TBC1D7: variants seen among roughly 807,000 people sequenced by gnomAD.
The protein encoded by TBC1D7 is TBC domain family 7.
In TBC1D7, 33 loss-of-function variants were observed where a neutral mutation model predicts 35.3. The observed-to-expected ratio is 0.93, with a 90% CI of 0.71 to 1.25. The LOEUF is 1.25. Ranked by LOEUF, TBC1D7 falls within the 50% of genes most tolerant of loss-of-function variation. The probability of loss-of-function intolerance (pLI) is 0.00; values close to 1 mark genes in which losing one functional copy is unlikely to be tolerated. For synonymous variants in TBC1D7, 135 were observed against 129.5 expected (o/e 1.04, Z -0.29); for missense variants, 362 against 365.3 (o/e 0.99, Z 0.07).
chr6:13,309,416 T>C (rs1783039574), intron 5 of TBC1D7, among the ~76,000 whole-genome samples: 1 of 152,224 alleles, frequency 6.6e-6, no homozygotes. Context: ...ACCTAGCACA[T>C]CACTTGGCAT....
intron 3 of TBC1D7, among the ~76,000 whole-genome samples, chr6:13,322,361 G>C (rs1187850155): frequency 3.9e-5 from 6 of 152,114 alleles, no homozygotes; most frequent in Admixed American, 3.3e-4. Flanking sequence ...CAAAGTTCCT[G>C]GGTTTAAATT....
chr6:13,311,228 T>A (rs547094579), intron 5 of TBC1D7, among the ~76,000 whole-genome samples: 1 of 152,328 alleles, frequency 6.6e-6, no homozygotes, highest in East Asian at 1.9e-4. Flanking sequence ...ATTAACACAA[T>A]TAAGTTTGAG....
At chr6:13,306,695 T>C (rs1782830642) in intron 6 of TBC1D7, 168 bp from the exon 7 acceptor site, 1 of 480,814 alleles carries the variant, frequency 2.1e-6, no homozygotes, top group African/African-American at 2.0e-5. Context: ...ACAGAAGCCA[T>C]TTGAAATCTA....
intron 3 of TBC1D7, among the ~76,000 whole-genome samples, chr6:13,324,417 C>T (rs778421194): frequency 6.6e-6 from 1 of 152,044 alleles, no homozygotes; most frequent in African/African-American, 2.4e-5. Context: ...TGTGAGCCAC[C>T]GCGCCCAGCC....
At chr6:13,323,069 T>A (rs565024087) in intron 3 of TBC1D7, among the ~76,000 whole-genome samples, 12 of 152,214 alleles carry the variant, frequency 7.9e-5, no homozygotes, top group African/African-American at 2.6e-4. Flanking sequence ...TAAAGAAAGG[T>A]GGGCCGAGCG....
chr6:13,318,314 A>G (rs1006255877), intron 4 of TBC1D7: 2 of 152,268 alleles, frequency 1.3e-5, no homozygotes, highest in Non-Finnish European at 2.9e-5. Context: ...GTGGGATGGC[A>G]GAGTCCAAAA....
chr6:13,306,231 AT>A (rs1244559145), intron 7 of TBC1D7, 166 bp downstream of exon 7: 2 of 517,692 alleles, frequency 3.9e-6, no homozygotes, highest in Admixed American at 9.0e-5. Context: ...CTCTTAAATA[AT>A]TTCCCTAAAA....
chr6:13,316,445 C>A, intron 5 of TBC1D7, 126 bp downstream of exon 5: 1 of 1,028,110 alleles, frequency 9.7e-7, no homozygotes, highest in South Asian at 1.7e-5. Context: ...ACAGAAAACG[C>A]TTGCTGAGTT....
Position 13,316,437 on chromosome 6 carries a change from A to G in TBC1D7, c.519+134T>C, listed in dbSNP as rs1189251872. 5.2e-6 allele frequency: 5 copies of G among 962,558 alleles called. No homozygotes were observed. In the Admixed American group the frequency reaches 9.4e-5, roughly 18 times the overall value. 59.6% of individuals were successfully genotyped at this position (962,558 alleles called of 1,614,324 possible). ...ATATTTAGATTATATGGACTTTTACAGAAAACGCTTGCTGAGTTCTACTAT... is the reference window on the plus strand; with the variant it reads ...ATATTTAGATTATATGGACTTTTACGGAAAACGCTTGCTGAGTTCTACTAT... On this transcript the variant is annotated intron_variant, in intron 5 of 7. Transcript: ENST00000379300.
chr6:13,307,417 T>G (rs1055374156), intron 6 of TBC1D7, 183 bp downstream of exon 6: 9 of 620,532 alleles, frequency 1.5e-5, no homozygotes, highest in Non-Finnish European at 1.9e-5. Context: ...GGCCCTTAAT[T>G]TTTCTAATTG....
At chr6:13,314,905 G>C (rs555387850) in intron 5 of TBC1D7, among the ~76,000 whole-genome samples, 1 of 152,240 alleles carries the variant, frequency 6.6e-6, no homozygotes, top group Non-Finnish European at 1.5e-5. Flanking sequence ...TAGAAAAAAA[G>C]AAAGTGGCAA....
intron 5 of TBC1D7, 23 bp downstream of exon 5, chr6:13,316,548 C>CAA (rs72202814): frequency 2.0e-4 from 301 of 1,497,450 alleles, no homozygotes; most frequent in Middle Eastern, 1.8e-4. Flanking sequence ...CTCCAATAGC[C>CAA]AAAAAAAAAA....
At chr6:13,317,634 G>C (rs1036649194) in intron 4 of TBC1D7, among the ~76,000 whole-genome samples, 1 of 152,196 alleles carries the variant, frequency 6.6e-6, no homozygotes, top group Non-Finnish European at 1.5e-5. Flanking sequence ...ATGTGTCAAA[G>C]GAGAATGGAA....
At chr6:13,318,237 G>A (rs2439550) in intron 4 of TBC1D7, 6 of 151,980 alleles carry the variant, frequency 3.9e-5, no homozygotes, top group African/African-American at 1.2e-4. Flanking sequence ...TAAATTATCC[G>A]ATTTCAGGTA....
intron 3 of TBC1D7, chr6:13,323,609 C>G (rs552543243): frequency 6.6e-6 from 1 of 152,216 alleles, no homozygotes; most frequent in African/African-American, 2.4e-5. Context: ...AAATAGTTGT[C>G]ACCGCTTCTC....
At chr6:13,314,314 T>C (rs987648961) in intron 5 of TBC1D7, among the ~76,000 whole-genome samples, 3 of 151,674 alleles carry the variant, frequency 2.0e-5, no homozygotes, top group Non-Finnish European at 4.4e-5. Flanking sequence ...GAAGGAGAAG[T>C]AGGGAATTGC....
intron 4 of TBC1D7, among the ~76,000 whole-genome samples, chr6:13,317,613 A>G (rs58948367): frequency 0.058 from 8,816 of 152,308 alleles, 840 homozygotes; most frequent in African/African-American, 0.2. Context: ...TTTTCTCAAA[A>G]CATTTTATTA....
At chr6:13,309,128 A>G (rs569123608) in intron 5 of TBC1D7, among the ~76,000 whole-genome samples, 2 of 152,362 alleles carry the variant, frequency 1.3e-5, no homozygotes, top group African/African-American at 4.8e-5. Flanking sequence ...GAATTTCTCA[A>G]TAACACTGCA....
Position 13,326,903 on chromosome 6 carries a change from C to A in TBC1D7, c.-5G>T. ...TCTCTGAGAGTCCTCAGTCATATTT[C>A]ATTCTTGGAGGAGACACAGAAAGAC... On this transcript the variant is annotated 5_prime_UTR_variant, in exon 2 of 8. An upstream start codon of the reference 5' UTR is lost. Coordinates refer to ENST00000379300, the MANE Select transcript of TBC1D7 (RefSeq NM_016495.6). The A allele has an allele frequency of 6.4e-7, 1 of 1,574,702 alleles. No individual in the cohort carries two copies. Among genetic ancestry groups the A allele is most frequent in the East Asian group, 2.3e-5 (1 of 44,088 alleles).
Sources: allele counts gnomAD v4.1 joint callset (sites outside exome capture counted in the v4.1 genomes callset), GRCh38; gene constraint gnomAD v4.1.1; transcripts MANE v1.5; gene names NCBI Gene and HGNC (gene_info 2026-07-23, HGNC 2026-07-21).